TMCO4: variants seen among roughly 807,000 people sequenced by gnomAD.
The protein encoded by TMCO4 is transmembrane and coiled-coil domains 4, also known as transmembrane and coiled-coil domain-containing protein 4.
In TMCO4, 58 loss-of-function variants were observed where a neutral mutation model predicts 64.7. The ratio of observed to expected loss-of-function variants is 0.90; its 90% CI spans 0.73 to 1.12. The LOEUF is 1.12. Ranked by LOEUF, TMCO4 falls within the 50% of genes most tolerant of loss-of-function variation. TMCO4 has a pLI of 0.00. For missense variants in TMCO4, 780 were observed against 825.9 expected (o/e 0.94, Z 0.68); for synonymous variants, 325 against 346.1 (o/e 0.94, Z 0.68).
chr1:19,702,287 A>G (rs199649698), intron 13 of TMCO4, among the ~76,000 whole-genome samples: 49 of 113,670 alleles, frequency 4.3e-4, no homozygotes, highest in East Asian at 8.5e-4. Context: ...TGTCTTTACA[A>G]AAAAAAAAAA....
At chr1:19,687,140 C>T (rs2095155557) in intron 15 of TMCO4, among the ~76,000 whole-genome samples, 1 of 152,034 alleles carries the variant, frequency 6.6e-6, no homozygotes, top group Admixed American at 6.6e-5. Flanking sequence ...TTAGTAGAGA[C>T]AGTATTTCAC....
Position 19,682,502 on chromosome 1 carries a change from T to G in TMCO4, c.*538A>C. The G allele has an allele frequency of 1.5e-6, 1 of 671,138 alleles. No individual in the cohort carries two copies. The highest frequency in any genetic ancestry group is 2.7e-5 in the East Asian group (1 of 36,838). 41.6% of individuals were successfully genotyped at this position (671,138 alleles called of 1,614,324 possible). A position where few individuals can be genotyped will look rare whatever the true frequency, so the allele number is the denominator to read the frequency against. ...GCTGTACAGGGCAGATCTGATTGGA[T>G]CTCCTAAGAGCAGGAGTGAGCTGCC... On this transcript the variant is annotated 3_prime_UTR_variant, in exon 16 of 16. Coordinates refer to ENST00000294543, the MANE Select transcript of TMCO4 (RefSeq NM_181719.7).
chr1:19,748,754 G>A (rs2041898950), intron 7 of TMCO4, among the ~76,000 whole-genome samples: 1 of 152,214 alleles, frequency 6.6e-6, no homozygotes, highest in Non-Finnish European at 1.5e-5. Flanking sequence ...GAACCCAGGA[G>A]GAGGAGGTTG....
At chr1:19,797,329 T>C (rs2044355584) in intron 2 of TMCO4, among the ~76,000 whole-genome samples, 1 of 152,068 alleles carries the variant, frequency 6.6e-6, no homozygotes, top group African/African-American at 2.4e-5. Flanking sequence ...GCCTGGGCAT[T>C]TGGAGTACAA....
Position 19,682,402 on chromosome 1 carries a change from C to T in TMCO4, c.*638G>A. The stretch of plus-strand genomic sequence containing the variant: ...CTCTGTTAGTGGTGTCCAGATGTTG[C>T]ATGACGGGGGAGCACACTCACATTG... On this transcript the variant is annotated 3_prime_UTR_variant, in exon 16 of 16. Transcript: ENST00000294543. 1.8e-6 allele frequency: 1 copy of T among 551,144 alleles called. No individual in the cohort carries two copies. The highest frequency in any genetic ancestry group is 3.3e-6 in the Non-Finnish European group (1 of 306,912). 34.1% of individuals were successfully genotyped at this position (551,144 alleles called of 1,614,324 possible). A position where few individuals can be genotyped will look rare whatever the true frequency, so the allele number is the denominator to read the frequency against.
intron 4 of TMCO4, among the ~76,000 whole-genome samples, chr1:19,777,522 T>C (rs2043262784): frequency 6.6e-6 from 1 of 152,136 alleles, no homozygotes; most frequent in Non-Finnish European, 1.5e-5. Flanking sequence ...CTAATTTTTA[T>C]ATTTTTAATA....
At chr1:19,694,358 C>T in intron 15 of TMCO4, 76 bp downstream of exon 15, 2 of 1,339,682 alleles carry the variant, frequency 1.5e-6, no homozygotes, top group Non-Finnish European at 1.1e-6. Context: ...GGGCCACTGT[C>T]TCCAGGGGAC....
rs372565126 is a variant in TMCO4, at chr1:19,739,839, C to A, written c.1164G>T (p.Leu388=). The A allele has an allele frequency of 3.1e-5, 50 of 1,613,350 alleles. No individual in the cohort carries two copies. The highest frequency in any genetic ancestry group is 4.0e-5 in the Non-Finnish European group (47 of 1,179,816). The part of the protein sequence containing the change: ...AEVGKHLAHI[L]LSRQQGRRPV... The stretch of plus-strand genomic sequence containing the variant: ...TCCCAGGTACCTGCTGCCGGGAGAG[C>A]AGGATGTGGGCCAGGTGCTTGCCAA... Residue 388 remains leucine, a synonymous_variant, in exon 12 of 16, where the codon CTG becomes CTT. Transcript: ENST00000294543.
intron 3 of TMCO4, among the ~76,000 whole-genome samples, chr1:19,784,210 A>ATGAGGTATGAGGTAT: frequency 6.6e-6 from 1 of 152,100 alleles, no homozygotes; most frequent in Non-Finnish European, 1.5e-5. Flanking sequence ...TTCTAACCAC[A>ATGAGGTATGAGGTAT]GAGGTATGAG....
At position 19,784,845 on chromosome 1, in the gene TMCO4, T is replaced by TAAAA. The variant is rs34693780; in HGVS notation, c.-9+2177_-9+2180dup. 8.3e-4 allele frequency among the ~76,000 whole-genome samples: 81 copies of TAAAA among 97,848 alleles called. 2 individuals carry two copies. Among genetic ancestry groups the TAAAA allele is most frequent in the East Asian group, 1.8e-3 (6 of 3,276 alleles). The allele number at this position is 97,848 out of a possible 152,430, so 64.2% of individuals were successfully genotyped here. A position where few individuals can be genotyped will look rare whatever the true frequency, so the allele number is the denominator to read the frequency against. ...TAACATTAAATGATAGCTGATGCACTAAAAAAAAAAAAAAAAAAAAAAAAT... is the reference window on the plus strand; with the variant it reads ...TAACATTAAATGATAGCTGATGCACTAAAAAAAAAAAAAAAAAAAAAAAAAAAAT... On this transcript the variant is annotated intron_variant, in intron 3 of 15. Transcript: ENST00000294543.
At chr1:19,707,440 T>C (rs2095308097) in intron 13 of TMCO4, among the ~76,000 whole-genome samples, 1 of 152,204 alleles carries the variant, frequency 6.6e-6, no homozygotes, top group Non-Finnish European at 1.5e-5. Flanking sequence ...CTGGCCAACA[T>C]GGCAAAACCC....
At chr1:19,775,824 G>C (rs2043179721) in intron 4 of TMCO4, among the ~76,000 whole-genome samples, 1 of 152,248 alleles carries the variant, frequency 6.6e-6, no homozygotes, top group African/African-American at 2.4e-5. Context: ...TATCCTGTGG[G>C]ATCAAGAACG....
At chr1:19,703,704 T>C (rs2095287450) in intron 13 of TMCO4, among the ~76,000 whole-genome samples, 1 of 151,872 alleles carries the variant, frequency 6.6e-6, no homozygotes, top group Non-Finnish European at 1.5e-5. Flanking sequence ...TGCACCACCA[T>C]GCCTGGCTAA....
chr1:19,720,305 A>G (rs2095376476), intron 13 of TMCO4, among the ~76,000 whole-genome samples: 1 of 152,154 alleles, frequency 6.6e-6, no homozygotes, highest in Non-Finnish European at 1.5e-5. Flanking sequence ...ACCTGGCTCC[A>G]CTTAATTCTT....
At chr1:19,796,844 A>C (rs1223749010) in intron 2 of TMCO4, among the ~76,000 whole-genome samples, 1 of 152,164 alleles carries the variant, frequency 6.6e-6, no homozygotes, top group Non-Finnish European at 1.5e-5. Flanking sequence ...AAATGCTGGG[A>C]TTACAGGTGT....
rs559194188 is a variant in TMCO4 at position 19,787,335 on chromosome 1, T to C, written c.-100-218A>G. Among the ~76,000 whole-genome samples, 94 of 152,350 alleles carry C rather than the reference T, an allele frequency of 6.2e-4. 2 individuals carry two copies. The highest frequency in any genetic ancestry group is 5.2e-4 in the Admixed American group (8 of 15,308). On this transcript the variant is annotated intron_variant, in intron 2 of 15. Coordinates refer to ENST00000294543, the MANE Select transcript of TMCO4 (RefSeq NM_181719.7). The stretch of plus-strand genomic sequence containing the variant: ...AGCTACCACTGCTGAGCACTCACCA[T>C]GTGCTGGGCACGGCCCTGCCACTTT...
intron 12 of TMCO4, among the ~76,000 whole-genome samples, chr1:19,739,509 C>T (rs1476703781): frequency 6.6e-6 from 1 of 152,210 alleles, no homozygotes; most frequent in African/African-American, 2.4e-5. Context: ...ATCCTAAACA[C>T]TTGAATGAAG....
At chr1:19,797,354 A>T (rs918338791) in intron 2 of TMCO4, among the ~76,000 whole-genome samples, 3 of 152,130 alleles carry the variant, frequency 2.0e-5, no homozygotes, top group Non-Finnish European at 4.4e-5. Flanking sequence ...GGCTAGGGCT[A>T]AAATGTGAAG....
chr1:19,768,983 A>G (rs1242723567), intron 6 of TMCO4, among the ~76,000 whole-genome samples: 1 of 152,198 alleles, frequency 6.6e-6, no homozygotes, highest in Non-Finnish European at 1.5e-5. Context: ...AGGGTGACCT[A>G]CATGTCCTGC....
Sources: allele counts gnomAD v4.1 joint callset (sites outside exome capture counted in the v4.1 genomes callset), GRCh38; gene constraint gnomAD v4.1.1; transcripts MANE v1.5; gene names NCBI Gene and HGNC (gene_info 2026-07-23, HGNC 2026-07-21).